The following AUTS2 variants were observed in gnomAD, a reference collection of about 807,000 sequenced individuals.
The protein encoded by AUTS2 is activator of transcription and developmental regulator AUTS2, also known as autism susceptibility gene 2 protein.
AUTS2 carries 17 observed loss-of-function variants against 112.4 expected under a neutral mutation model. The observed-to-expected ratio is 0.15, with a 90% confidence interval of 0.10 to 0.23. The LOEUF is 0.23. AUTS2 is among the 10% of genes least tolerant of loss of function. AUTS2 has a pLI of 1.00. For synonymous variants in AUTS2, 751 were observed against 702.7 expected, an observed-to-expected ratio of 1.07 and a Z score of -1.09; for missense variants, 1,510 against 1,701.6, an observed-to-expected ratio of 0.89 and a Z score of 1.98.
intron 1 of AUTS2, among the ~76,000 whole-genome samples, chr7:69,855,531 C>CT (rs1792681815): frequency 6.6e-6 from 1 of 152,226 alleles, no homozygotes. Flanking sequence ...TAGTCTCATA[C>CT]TTACCCAATA....
chr7:70,056,260 C>T (rs1291504355), intron 2 of AUTS2, among the ~76,000 whole-genome samples: 1 of 152,220 alleles, frequency 6.6e-6, no homozygotes, highest in Non-Finnish European at 1.5e-5. Flanking sequence ...GCTCAGGATA[C>T]AGGCGCCCAG....
intron 2 of AUTS2, among the ~76,000 whole-genome samples, chr7:70,059,380 T>A (rs1161267681): frequency 6.6e-6 from 1 of 152,208 alleles, no homozygotes; most frequent in Non-Finnish European, 1.5e-5. Flanking sequence ...GCCTGGATGT[T>A]CCACAGTTTA....
At chr7:69,711,561 A>G (rs1339628316) in intron 1 of AUTS2, among the ~76,000 whole-genome samples, 2 of 152,216 alleles carry the variant, frequency 1.3e-5, no homozygotes, top group Non-Finnish European at 1.5e-5. Context: ...AGTATAGAAT[A>G]AATTCACAGG....
intron 4 of AUTS2, among the ~76,000 whole-genome samples, chr7:70,359,692 C>G (rs1211209037): frequency 1.3e-5 from 2 of 152,126 alleles, no homozygotes; most frequent in African/African-American, 2.4e-5. Flanking sequence ...TTCCAGGACC[C>G]AAAAGCCTCC....
chr7:69,602,298 A>G (rs1196062531), intron 1 of AUTS2, among the ~76,000 whole-genome samples: 1 of 151,782 alleles, frequency 6.6e-6, no homozygotes, highest in Non-Finnish European at 1.5e-5. Flanking sequence ...TGCTCTGATT[A>G]TTTTTTTCTG....
At position 70,229,995 on chromosome 7, in the gene AUTS2, C is replaced by T. The variant is rs555618791; in HGVS notation, c.660+95424C>T. Reference sequence around the variant, plus strand: ...TTCCCATTAAATCTCCAAACTTTTTCGGAAGGGGATCTTTGAATGTGTTTA... The same window carrying T: ...TTCCCATTAAATCTCCAAACTTTTTTGGAAGGGGATCTTTGAATGTGTTTA... On this transcript the variant is annotated intron_variant, in intron 4 of 18. Transcript: ENST00000342771. 9.2e-5 allele frequency among the ~76,000 whole-genome samples: 14 copies of T among 152,180 alleles called. No homozygotes were observed. The South Asian group carries it at 1.2e-3, about 14-fold the overall frequency.
chr7:70,008,097 G>C (rs1020420806), intron 2 of AUTS2, among the ~76,000 whole-genome samples: 1 of 152,064 alleles, frequency 6.6e-6, no homozygotes, highest in Non-Finnish European at 1.5e-5. Context: ...CATGTGTTAA[G>C]TATATTAACT....
chr7:70,615,483 G>C (rs925446797), intron 5 of AUTS2, among the ~76,000 whole-genome samples: 5 of 152,038 alleles, frequency 3.3e-5, no homozygotes, highest in African/African-American at 1.2e-4. Context: ...TCACTGCTCT[G>C]CTCACAAGGT....
chr7:70,452,285 C>A (rs552224104), intron 5 of AUTS2, among the ~76,000 whole-genome samples: 56 of 152,058 alleles, frequency 3.7e-4, no homozygotes, highest in African/African-American at 1.3e-3. Flanking sequence ...ATGGTGAAAC[C>A]CCATCTCTAC....
Position 70,181,182 on chromosome 7 carries a change from A to G in AUTS2, c.660+46611A>G, listed in dbSNP as rs556995574. ...TATTCTATTTTAAGCCTATGCCACC[A>G]TTTATTCTATTTATGAGCATTCAGA... On this transcript the variant is annotated intron_variant, in intron 4 of 18. Transcript: ENST00000342771. 5.9e-5 allele frequency among the ~76,000 whole-genome samples: 9 copies of G among 152,292 alleles called. No individual in the cohort carries two copies. The South Asian group carries it at 1.9e-3, about 32-fold the overall frequency.
intron 1 of AUTS2, among the ~76,000 whole-genome samples, chr7:69,763,891 G>A (rs985880894): frequency 2.0e-5 from 3 of 152,168 alleles, no homozygotes; most frequent in Non-Finnish European, 1.5e-5. Context: ...TGGTCTGAGA[G>A]CCCTTGTCAC....
intron 2 of AUTS2, among the ~76,000 whole-genome samples, chr7:70,109,348 G>A (rs1804948840): frequency 6.6e-6 from 1 of 152,100 alleles, no homozygotes; most frequent in Non-Finnish European, 1.5e-5. Context: ...TTGTGTATGT[G>A]TATTGTGTGT....
intron 2 of AUTS2, among the ~76,000 whole-genome samples, chr7:70,014,350 G>T (rs1799935913): frequency 6.6e-6 from 1 of 152,178 alleles, no homozygotes; most frequent in Non-Finnish European, 1.5e-5. Flanking sequence ...CCATGCCATT[G>T]TCTTAGCTCT....
At chr7:69,761,649 G>A (rs902094689) in intron 1 of AUTS2, among the ~76,000 whole-genome samples, 7 of 152,054 alleles carry the variant, frequency 4.6e-5, no homozygotes, top group African/African-American at 7.2e-5. Context: ...AAGGAATGCC[G>A]GGCTCCTCTG....
intron 4 of AUTS2, among the ~76,000 whole-genome samples, chr7:70,337,004 G>A (rs1407652511): frequency 6.6e-6 from 1 of 152,066 alleles, no homozygotes; most frequent in Non-Finnish European, 1.5e-5. Flanking sequence ...ATTGGCTACC[G>A]ATTTAAAAAT....
intron 4 of AUTS2, among the ~76,000 whole-genome samples, chr7:70,402,129 T>C (rs540572175): frequency 2.0e-5 from 3 of 152,372 alleles, no homozygotes; most frequent in South Asian, 2.1e-4. Flanking sequence ...GAAAATAGGA[T>C]GTTGTGTTTT....
chr7:69,766,042 C>G (rs1459950330), intron 1 of AUTS2, among the ~76,000 whole-genome samples: 1 of 152,164 alleles, frequency 6.6e-6, no homozygotes, highest in Non-Finnish European at 1.5e-5. Flanking sequence ...ATTGTGCAAC[C>G]AATCTCCAGA....
At chr7:69,914,346 C>CACACACAG (rs1562965511) in intron 2 of AUTS2, among the ~76,000 whole-genome samples, 5 of 138,952 alleles carry the variant, frequency 3.6e-5, no homozygotes, top group South Asian at 2.5e-4. Context: ...GACACAGACA[C>CACACACAG]ACACACACAG....
At chr7:69,754,038 A>C (rs1015467245) in intron 1 of AUTS2, among the ~76,000 whole-genome samples, 1 of 152,220 alleles carries the variant, frequency 6.6e-6, no homozygotes, top group Non-Finnish European at 1.5e-5. Flanking sequence ...TTATGAAGGC[A>C]GAGCTTGGAT....
Sources: allele counts gnomAD v4.1 joint callset (sites outside exome capture counted in the v4.1 genomes callset), GRCh38; gene constraint gnomAD v4.1.1; transcripts MANE v1.5; gene names NCBI Gene and HGNC (gene_info 2026-07-23, HGNC 2026-07-21).